Variants in PCDHGB2 observed in about 807,000 individuals in gnomAD.
PCDHGB2 encodes the protein protocadherin gamma-B2.
PCDHGB2 carries 55 observed loss-of-function variants against 59.3 expected under a neutral mutation model. The ratio of observed to expected loss-of-function variants is 0.93; its 90% CI spans 0.75 to 1.16. The LOEUF (loss-of-function observed/expected upper bound fraction) is 1.16. PCDHGB2 is among the 50% of genes most tolerant of loss of function. PCDHGB2 has a pLI of 0.00. For missense variants in PCDHGB2, 1,228 were observed against 1,198.5 expected (o/e 1.02, Z -0.36); for synonymous variants, 516 against 512.0 (o/e 1.01, Z -0.11).
intron 1 of PCDHGB2, chr5:141,385,306 A>T (rs1479708640): frequency 8.7e-6 from 14 of 1,612,618 alleles, no homozygotes; most frequent in Non-Finnish European, 1.2e-5. Context: ...ATGTAAAGAA[A>T]ACCTGCCAAG....
intron 1 of PCDHGB2, chr5:141,417,692 C>A: frequency 9.2e-7 from 1 of 1,089,116 alleles, no homozygotes; most frequent in Non-Finnish European, 1.3e-6. Context: ...AAAAGAAAAC[C>A]AGCTCCCACA....
rs117560542 is a variant in PCDHGB2 at position 141,375,655 on chromosome 5, G to A, written c.2421+13099G>A. ...CCCTGCGCTCCTTCGACTATGAGCA[G>A]TTGAGAGACCTACAGCTGTGGGTGA... is the stretch of plus-strand genomic sequence containing the variant. On this transcript the variant is annotated intron_variant, in intron 1 of 3. Transcript: ENST00000522605. 2.4e-4 allele frequency: 382 copies of A among 1,614,246 alleles called. 5 individuals are homozygous for A. The East Asian group carries it at 8.3e-3, about 35-fold the overall frequency.
At chr5:141,451,315 T>A (rs2154563546) in intron 1 of PCDHGB2, among the ~76,000 whole-genome samples, 1 of 152,330 alleles carries the variant, frequency 6.6e-6, no homozygotes, top group South Asian at 2.1e-4. Context: ...GCAATTAAAG[T>A]GTCACCTAAG....
At chr5:141,399,315 T>C in intron 1 of PCDHGB2, 2 of 1,613,878 alleles carry the variant, frequency 1.2e-6, no homozygotes, top group Non-Finnish European at 8.5e-7. Flanking sequence ...CATCCAAAAA[T>C]TCGTATAAGT....
chr5:141,457,023 A>G (rs1339517071), intron 1 of PCDHGB2, among the ~76,000 whole-genome samples: 1 of 152,228 alleles, frequency 6.6e-6, no homozygotes, highest in Non-Finnish European at 1.5e-5. Flanking sequence ...AAAAAGTCCT[A>G]GTAGACTCAG....
At chr5:141,441,173 C>G (rs2098230611) in intron 1 of PCDHGB2, 1 of 152,180 alleles carries the variant, frequency 6.6e-6, no homozygotes, top group South Asian at 2.1e-4. Context: ...ATTTTTACTT[C>G]TAATTCCACA....
chr5:141,456,884 A>G (rs1448469695), intron 1 of PCDHGB2, among the ~76,000 whole-genome samples: 1 of 151,974 alleles, frequency 6.6e-6, no homozygotes, highest in East Asian at 1.9e-4. Flanking sequence ...AATCGCTTGA[A>G]CCCGGGAGGC....
Position 141,489,791 on chromosome 5 carries a change from C to G in PCDHGB2, c.2422-5016C>G. ...AGCCACTTCTCTCTGAATGTGAAGA[C>G]CCTAAAAGATGGGAAGCCATTCCCA... On this transcript the variant is annotated intron_variant, in intron 1 of 3. Transcript: ENST00000522605. The surrounding 1 kb of genome is among the most constrained non-coding windows in gnomAD (Gnocchi z 4.5). 2 of 1,614,174 alleles carry G rather than the reference C, an allele frequency of 1.2e-6. No individual in the cohort carries two copies. The highest frequency in any genetic ancestry group is 1.7e-6 in the Non-Finnish European group (2 of 1,180,002).
chr5:141,374,494 A>G (rs1307461844), intron 1 of PCDHGB2: 12 of 1,611,426 alleles, frequency 7.4e-6, no homozygotes, highest in Non-Finnish European at 9.3e-6. Context: ...TAAAGGAAGA[A>G]TTGGAAGTGA....
intron 1 of PCDHGB2, chr5:141,399,663 G>A: frequency 6.2e-7 from 1 of 1,613,624 alleles, no homozygotes; most frequent in Non-Finnish European, 8.5e-7. Flanking sequence ...TGGTGTTCGC[G>A]CAGCGCGCCT....
At chr5:141,413,950 T>C (rs1448967281) in intron 1 of PCDHGB2, 1 of 1,613,264 alleles carries the variant, frequency 6.2e-7, no homozygotes. Context: ...TCCTGAGAAT[T>C]TGCCTGTGGG....
At chr5:141,413,151 T>C (rs1192899612) in intron 1 of PCDHGB2, 5 of 1,573,560 alleles carry the variant, frequency 3.2e-6, no homozygotes, top group South Asian at 1.2e-5. Context: ...GTGAGGACTT[T>C]GCAGAATTCT....
In PCDHGB2 at chr5:141,490,889, T is replaced by G. The variant is rs568838001; in HGVS notation, c.2422-3918T>G. The G allele has an allele frequency of 6.2e-7, 1 of 1,613,406 alleles. No homozygotes were observed. Among genetic ancestry groups the G allele is most frequent in the Non-Finnish European group, 8.5e-7 (1 of 1,179,428 alleles). ...CCCCCATTGCATGCCAACACATCTCTGCATGTGTTTGTCCTAGACGAGAAT... is the reference window on the plus strand; with the variant it reads ...CCCCCATTGCATGCCAACACATCTCGGCATGTGTTTGTCCTAGACGAGAAT... On this transcript the variant is annotated intron_variant, in intron 1 of 3. Coordinates refer to ENST00000522605, the MANE Select transcript of PCDHGB2 (RefSeq NM_018923.3). This position sits in a 1 kb window ranked among gnomAD's most constrained non-coding sequence, Gnocchi z 5.4.
At chr5:141,388,597 A>G (rs1277451358) in intron 1 of PCDHGB2, 1 of 1,613,752 alleles carries the variant, frequency 6.2e-7, no homozygotes, top group Non-Finnish European at 8.5e-7. Context: ...GCCAATGATA[A>G]TGCTCCAGTG....
At chr5:141,411,302 G>T (rs1165336405) in intron 1 of PCDHGB2, 1 of 152,134 alleles carries the variant, frequency 6.6e-6, no homozygotes, top group Admixed American at 6.6e-5. Context: ...AGGCCCAGTG[G>T]CTCACACCTA....
chr5:141,384,973 T>C, intron 1 of PCDHGB2: 1 of 1,613,956 alleles, frequency 6.2e-7, no homozygotes, highest in Non-Finnish European at 8.5e-7. Flanking sequence ...CCTCACGTTG[T>C]ACCTGGTGGT....
At chr5:141,395,543 TGTGTGTG>T in intron 1 of PCDHGB2, 1 of 8,204 alleles carries the variant, frequency 1.2e-4, no homozygotes, top group Non-Finnish European at 2.0e-4. Context: ...TGCTATTGTT[TGTGTGTG>T]TGTGTGTGTG....
At chr5:141,394,871 T>A in intron 1 of PCDHGB2, 1 of 1,613,814 alleles carries the variant, frequency 6.2e-7, no homozygotes, top group Non-Finnish European at 8.5e-7. Flanking sequence ...ACCCGAACGA[T>A]TCGAGCCTTA....
chr5:141,492,691 C>G (rs2099743102), intron 1 of PCDHGB2, among the ~76,000 whole-genome samples: 1 of 152,274 alleles, frequency 6.6e-6, no homozygotes, highest in South Asian at 2.1e-4. Flanking sequence ...TCGGCGACCC[C>G]TCAACCCAGA....
Sources: allele counts gnomAD v4.1 joint callset (sites outside exome capture counted in the v4.1 genomes callset), GRCh38; gene constraint gnomAD v4.1.1; non-coding constraint Gnocchi (gnomAD v3.1); transcripts MANE v1.5; gene names NCBI Gene and HGNC (gene_info 2026-07-23, HGNC 2026-07-21).